The following NBEA variants were observed in gnomAD, a reference collection of about 807,000 sequenced individuals.
NBEA encodes lysosomal-trafficking regulator 2.
NBEA carries 44 observed loss-of-function variants against 343.4 expected under a neutral mutation model. The observed-to-expected ratio is 0.13, with a 90% CI of 0.10 to 0.16. The LOEUF (loss-of-function observed/expected upper bound fraction) is 0.16. NBEA is among the 10% of genes least tolerant of loss of function. The pLI is 1.00. For missense variants in NBEA, 2,555 were observed against 3,631.3 expected (o/e 0.70, Z 7.62); for synonymous variants, 1,175 against 1,238.7 (o/e 0.95, Z 1.08).
intron 1 of NBEA, among the ~76,000 whole-genome samples, chr13:34,944,320 G>C (rs1325285231): frequency 6.6e-6 from 1 of 152,230 alleles, no homozygotes; most frequent in Non-Finnish European, 1.5e-5. Flanking sequence ...AAAACTGAGA[G>C]AAAGCTGCAG....
chr13:35,093,773 C>T (rs908770409), intron 10 of NBEA, among the ~76,000 whole-genome samples: 7 of 151,918 alleles, frequency 4.6e-5, no homozygotes, highest in South Asian at 4.1e-4. Flanking sequence ...ATTTGTAAAA[C>T]GTCCAGGACG....
At chr13:34,963,973 CTT>C (rs1453457570) in intron 1 of NBEA, among the ~76,000 whole-genome samples, 1 of 151,820 alleles carries the variant, frequency 6.6e-6, no homozygotes, top group Non-Finnish European at 1.5e-5. Context: ...TACCCTATGA[CTT>C]TGGTAGTTTT....
intron 11 of NBEA, among the ~76,000 whole-genome samples, chr13:35,102,857 T>C (rs2065716083): frequency 6.6e-6 from 1 of 151,784 alleles, no homozygotes. Flanking sequence ...TTTCTAATTT[T>C]AGGGTTTTTT....
chr13:35,005,677 A>G (rs965088311), intron 1 of NBEA, among the ~76,000 whole-genome samples: 2 of 152,204 alleles, frequency 1.3e-5, no homozygotes, highest in Non-Finnish European at 2.9e-5. Context: ...GATAATTGTT[A>G]TGATGGTATG....
intron 1 of NBEA, among the ~76,000 whole-genome samples, chr13:34,950,560 A>G (rs370166583): frequency 4.6e-5 from 7 of 151,012 alleles, no homozygotes; most frequent in Non-Finnish European, 1.0e-4. Flanking sequence ...GAATATTCTA[A>G]TTTTCTAAAT....
intron 17 of NBEA, among the ~76,000 whole-genome samples, chr13:35,126,036 G>A (rs1323472112): frequency 6.6e-6 from 1 of 152,146 alleles, no homozygotes; most frequent in Non-Finnish European, 1.5e-5. Context: ...ATATGGTTTG[G>A]TTGTGTCCCC....
At chr13:35,322,471 A>G (rs946083616) in intron 36 of NBEA, among the ~76,000 whole-genome samples, 9 of 152,100 alleles carry the variant, frequency 5.9e-5, no homozygotes, top group Non-Finnish European at 1.0e-4. Context: ...AGTCATCCCA[A>G]TGAGATGAGC....
intron 31 of NBEA, among the ~76,000 whole-genome samples, chr13:35,200,092 A>G (rs2152744702): frequency 6.6e-6 from 1 of 152,144 alleles, no homozygotes; most frequent in South Asian, 2.1e-4. Context: ...GGCAGAGAGA[A>G]ATATTTATGA....
At chr13:35,660,972 G>A (rs937429681) in intron 55 of NBEA, among the ~76,000 whole-genome samples, 6 of 152,066 alleles carry the variant, frequency 3.9e-5, no homozygotes, top group South Asian at 2.1e-4. Context: ...TTGGAACATC[G>A]ATGGCACAGA....
chr13:35,216,700 G>A (rs1287403440), intron 33 of NBEA, among the ~76,000 whole-genome samples: 1 of 151,798 alleles, frequency 6.6e-6, no homozygotes, highest in Non-Finnish European at 1.5e-5. Context: ...TAAAAATACT[G>A]CCATGCAATC....
intron 17 of NBEA, among the ~76,000 whole-genome samples, chr13:35,124,564 A>G (rs745401992): frequency 6.2e-4 from 93 of 150,032 alleles, no homozygotes; most frequent in Non-Finnish European, 1.1e-3. Context: ...ACATACACAT[A>G]TATATGGATA....
chr13:35,541,085 G>A (rs565603275), intron 41 of NBEA, among the ~76,000 whole-genome samples: 4 of 151,964 alleles, frequency 2.6e-5, no homozygotes, highest in East Asian at 3.9e-4. Flanking sequence ...ATGAGATCTC[G>A]CCCCACATCC....
chr13:34,988,990 G>C lies in NBEA; in HGVS notation c.294+45876G>C, dbSNP rs1181221219. On this transcript the variant is annotated intron_variant, in intron 1 of 58. Coordinates refer to ENST00000379939, the MANE Select transcript of NBEA (RefSeq NM_001385012.1). ...GCCTTCTATCTTACTACTATTTGTT[G>C]TTTCTTTGTCCCATTTGTTTTTTCT... Among the ~76,000 whole-genome samples the C allele has an allele frequency of 2.0e-5, 3 of 150,644 alleles. 1 individual carries two copies. The highest frequency in any genetic ancestry group is 4.5e-5 in the Non-Finnish European group (3 of 67,364).
At chr13:35,496,631 CAAAAAA>C (rs3075499) in intron 41 of NBEA, among the ~76,000 whole-genome samples, 2 of 105,260 alleles carry the variant, frequency 1.9e-5, no homozygotes, top group South Asian at 3.2e-4. Flanking sequence ...GAGATTCTGT[CAAAAAA>C]AAAAAAAAAA....
intron 1 of NBEA, among the ~76,000 whole-genome samples, chr13:34,981,094 C>G (rs117475877): frequency 0.047 from 7,194 of 152,222 alleles, 259 homozygotes; most frequent in Non-Finnish European, 0.07. Context: ...TTCCCACCCC[C>G]AGCCTAAGGC....
In NBEA at chr13:35,654,987, T is replaced by G. The variant is rs868380638; in HGVS notation, c.8168T>G (p.Phe2723Cys). 1.3e-6 allele frequency: 2 copies of G among 1,553,470 alleles called. No homozygotes were observed. Among genetic ancestry groups the G allele is most frequent in the Middle Eastern group, 3.4e-4 (2 of 5,934 alleles). ...ATCTGTGGATTCTGGGATAAGAGCTTCAGAGTTTATTCTACAGAAACAGGT... is the reference window on the plus strand; with the variant it reads ...ATCTGTGGATTCTGGGATAAGAGCTGCAGAGTTTATTCTACAGAAACAGGT... Reference protein sequence around the residue: ...ILICGFWDKSFRVYSTETGKL... With the variant: ...ILICGFWDKSCRVYSTETGKL... The change falls in exon 54 of 59, where the codon TTC becomes TGC. Residue 2723 changes from phenylalanine to cysteine, a missense_variant. By Grantham distance (205) the Phe-to-Cys change is radical (BLOSUM62 -2). Coordinates refer to ENST00000379939, the MANE Select transcript of NBEA (RefSeq NM_001385012.1).
At chr13:35,087,946 T>A (rs1239807353) in intron 10 of NBEA, among the ~76,000 whole-genome samples, 1 of 151,642 alleles carries the variant, frequency 6.6e-6, no homozygotes, top group African/African-American at 2.4e-5. Flanking sequence ...ATAGCTGGAG[T>A]TTGGAGTAAA....
chr13:35,127,087 C>G (rs773391583), intron 17 of NBEA, among the ~76,000 whole-genome samples: 1 of 151,970 alleles, frequency 6.6e-6, no homozygotes, highest in Non-Finnish European at 1.5e-5. Context: ...CCAGGGAAAA[C>G]TGACCTAGAA....
At chr13:35,337,484 G>A (rs1455867497) in intron 36 of NBEA, among the ~76,000 whole-genome samples, 1 of 151,956 alleles carries the variant, frequency 6.6e-6, no homozygotes, top group East Asian at 1.9e-4. Flanking sequence ...CTTAACAAGA[G>A]ACCCCTAAAA....
Sources: allele counts gnomAD v4.1 joint callset (sites outside exome capture counted in the v4.1 genomes callset), GRCh38; gene constraint gnomAD v4.1.1; transcripts MANE v1.5; gene names NCBI Gene and HGNC (gene_info 2026-07-23, HGNC 2026-07-21).